TSHZ2: variants seen among roughly 807,000 people sequenced by gnomAD.
The protein encoded by TSHZ2 is teashirt homolog 2.
Under a neutral mutation model 74.4 loss-of-function variants are expected in TSHZ2, and 21 were observed. That is an observed-to-expected ratio of 0.28 (90% CI 0.20 to 0.41). The LOEUF (loss-of-function observed/expected upper bound fraction) is 0.41. TSHZ2 is among the 10% of genes least tolerant of loss of function. TSHZ2 has a pLI of 1.00. For synonymous variants in TSHZ2, 540 were observed against 515.3 expected (o/e 1.05, Z -0.65); for missense variants, 1,244 against 1,293.5 (o/e 0.96, Z 0.59).
At chr20:53,168,220 C>T (rs1988107094) in intron 1 of TSHZ2, among the ~76,000 whole-genome samples, 1 of 152,212 alleles carries the variant, frequency 6.6e-6, no homozygotes, top group Non-Finnish European at 1.5e-5. Flanking sequence ...CTGATGGAGG[C>T]TGTCCTGTAT....
intron 1 of TSHZ2, among the ~76,000 whole-genome samples, chr20:53,165,635 T>G (rs921997467): frequency 6.6e-6 from 1 of 152,214 alleles, no homozygotes; most frequent in African/African-American, 2.4e-5. Context: ...AAATAAAGCT[T>G]CTGACATGCA....
At chr20:53,091,805 G>T (rs2065958339) in intron 1 of TSHZ2, among the ~76,000 whole-genome samples, 1 of 152,174 alleles carries the variant, frequency 6.6e-6, no homozygotes, top group Admixed American at 6.5e-5. Flanking sequence ...ACTTTGGGAG[G>T]CAGAGAGATT....
chr20:53,372,432 A>G (rs1449775733), intron 2 of TSHZ2, among the ~76,000 whole-genome samples: 1 of 152,128 alleles, frequency 6.6e-6, no homozygotes, highest in Non-Finnish European at 1.5e-5. Flanking sequence ...ATCGGAGATC[A>G]CACCACTACA....
intron 1 of TSHZ2, among the ~76,000 whole-genome samples, chr20:53,084,296 AATTAT>A (rs1004579682): frequency 1.3e-5 from 2 of 152,196 alleles, no homozygotes; most frequent in African/African-American, 2.4e-5. Context: ...TTTGTGTTGG[AATTAT>A]ATTGTATTAA....
At chr20:53,201,334 G>A (rs1299612771) in intron 1 of TSHZ2, among the ~76,000 whole-genome samples, 1 of 152,156 alleles carries the variant, frequency 6.6e-6, no homozygotes, top group Admixed American at 6.5e-5. Context: ...TCCTTCGGGA[G>A]GCTCCAGAGG....
intron 2 of TSHZ2, among the ~76,000 whole-genome samples, chr20:53,385,302 T>TA (rs1246401428): frequency 6.6e-6 from 1 of 152,136 alleles, no homozygotes; most frequent in Non-Finnish European, 1.5e-5. Flanking sequence ...ATTATTGACT[T>TA]ATGATATTTC....
intron 2 of TSHZ2, among the ~76,000 whole-genome samples, chr20:53,394,404 A>G (rs1358586257): frequency 6.6e-6 from 1 of 152,248 alleles, no homozygotes; most frequent in East Asian, 1.9e-4. Context: ...TAAGTTGTCT[A>G]TAAATTAAGA....
intron 2 of TSHZ2, among the ~76,000 whole-genome samples, chr20:53,276,991 C>T (rs1220299515): frequency 6.6e-6 from 1 of 152,150 alleles, no homozygotes; most frequent in Non-Finnish European, 1.5e-5. Context: ...AGGGGCTAAA[C>T]AGAGAGCAGG....
In TSHZ2 at chr20:53,036,464, TAGAA is replaced by T. The variant is rs199907791; in HGVS notation, c.40+63137_40+63140del. Among the ~76,000 whole-genome samples the T allele has an allele frequency of 8.5e-3, 1,289 of 151,672 alleles. 7 individuals carry two copies. Among genetic ancestry groups the T allele is most frequent in the Middle Eastern group, 0.014 (4 of 280 alleles). On this transcript the variant is annotated intron_variant, in intron 1 of 2. Transcript: ENST00000371497. ...TACACACATATATACACATATGTAT[TAGAA>T]AGAAATAGAAACACATATACATACA...
At position 53,142,590 on chromosome 20, in the gene TSHZ2, C is replaced by T. The variant is rs1379899942; in HGVS notation, c.41-110909C>T. Among the ~76,000 whole-genome samples, 5 of 152,318 alleles carry T rather than the reference C, an allele frequency of 3.3e-5. No individual in the cohort carries two copies. In the East Asian group the frequency reaches 9.6e-4, roughly 29 times the overall value. ...GCTATGTTACCTGAACCAGTCAGCA[C>T]ACATGTTCAGATATTCTGATCAAGT... On this transcript the variant is annotated intron_variant, in intron 1 of 2. Transcript: ENST00000371497.
At chr20:53,199,446 C>T (rs1179524489) in intron 1 of TSHZ2, among the ~76,000 whole-genome samples, 1 of 152,018 alleles carries the variant, frequency 6.6e-6, no homozygotes, top group Non-Finnish European at 1.5e-5. Flanking sequence ...TATACTCCAG[C>T]CTGGGAGACA....
intron 2 of TSHZ2, among the ~76,000 whole-genome samples, chr20:53,412,002 TTTTC>T (rs947586434): frequency 6.6e-6 from 1 of 152,172 alleles, no homozygotes; most frequent in Non-Finnish European, 1.5e-5. Flanking sequence ...CAAAGCATCA[TTTTC>T]TTTCTTTCTT....
chr20:53,188,102 T>C (rs1206929816), intron 1 of TSHZ2, among the ~76,000 whole-genome samples: 1 of 152,168 alleles, frequency 6.6e-6, no homozygotes, highest in African/African-American at 2.4e-5. Context: ...CAAATAGCAG[T>C]AGTTTTGTGC....
chr20:53,005,393 A>G (rs1234867829), intron 1 of TSHZ2, among the ~76,000 whole-genome samples: 1 of 152,222 alleles, frequency 6.6e-6, no homozygotes, highest in Non-Finnish European at 1.5e-5. Context: ...GAAGCTGGAG[A>G]AAACGTGTAG....
intron 1 of TSHZ2, among the ~76,000 whole-genome samples, chr20:53,002,807 T>C (rs748426826): frequency 6.6e-6 from 1 of 152,190 alleles, no homozygotes; most frequent in African/African-American, 2.4e-5. Flanking sequence ...ACGACGTGTG[T>C]ATTAATAAAT....
rs1162711731 is a variant in TSHZ2, at chr20:53,290,991, A to C, written c.*8+34420A>C. Among the ~76,000 whole-genome samples the C allele has an allele frequency of 5.1e-4, 77 of 152,300 alleles. 2 individuals carry two copies. The highest frequency in any genetic ancestry group is 1.2e-4 in the Non-Finnish European group (8 of 68,026). ...ATGATCTACAGAATCTGAAATATTT[A>C]CTACCTAGTCCTTTACAGGAAAAAT... is the stretch of plus-strand genomic sequence containing the variant. On this transcript the variant is annotated intron_variant, in intron 2 of 2. Transcript: ENST00000371497.
chr20:53,316,394 C>T (rs1023169905), intron 2 of TSHZ2, among the ~76,000 whole-genome samples: 1 of 152,044 alleles, frequency 6.6e-6, no homozygotes, highest in East Asian at 1.9e-4. Flanking sequence ...GAGCCCTCAG[C>T]GTAGTAGGGG....
intron 2 of TSHZ2, among the ~76,000 whole-genome samples, chr20:53,311,779 C>T (rs565323838): frequency 1.3e-5 from 2 of 152,300 alleles, no homozygotes; most frequent in South Asian, 4.1e-4. Flanking sequence ...TTTGAATGAG[C>T]AAACAGGACA....
intron 1 of TSHZ2, among the ~76,000 whole-genome samples, chr20:53,001,205 C>CGT (rs558621179): frequency 0.085 from 7,948 of 94,008 alleles, 185 homozygotes; most frequent in East Asian, 0.12. Context: ...CGTTCATGTG[C>CGT]GTGTGTGTGT....
Sources: allele counts gnomAD v4.1 joint callset (sites outside exome capture counted in the v4.1 genomes callset), GRCh38; gene constraint gnomAD v4.1.1; transcripts MANE v1.5; gene names NCBI Gene and HGNC (gene_info 2026-07-23, HGNC 2026-07-21).